Variants in CRACD observed in about 807,000 individuals in gnomAD.
CRACD encodes capping protein inhibiting regulator of actin dynamics, also known as capping protein-inhibiting regulator of actin dynamics.
CRACD carries 56 observed loss-of-function variants against 106.8 expected under a neutral mutation model. The observed-to-expected ratio is 0.52, with a 90% CI of 0.42 to 0.66. The LOEUF (loss-of-function observed/expected upper bound fraction) is 0.66, where lower values mean the gene tolerates loss of function less well. Among genes scored for constraint, CRACD ranks in the 30% least tolerant of loss-of-function variants. The probability of loss-of-function intolerance (pLI) is 0.00; values close to 1 mark genes in which losing one functional copy is unlikely to be tolerated. For missense variants in CRACD, 1,730 were observed against 1,623.2 expected (o/e 1.07, Z -1.13); for synonymous variants, 754 against 670.8 (o/e 1.12, Z -1.92).
At chr4:56,134,191 C>T (rs1470578013) in intron 1 of CRACD, among the ~76,000 whole-genome samples, 1 of 148,436 alleles carries the variant, frequency 6.7e-6, no homozygotes, top group Non-Finnish European at 1.5e-5. Flanking sequence ...GGCAGTGAGA[C>T]CCTGTCTCAA....
intron 1 of CRACD, among the ~76,000 whole-genome samples, chr4:56,090,149 T>C (rs1161611058): frequency 1.4e-5 from 2 of 147,976 alleles, no homozygotes; most frequent in Non-Finnish European, 3.0e-5. Flanking sequence ...TTTTCCTTTT[T>C]TTTAAAAAAA....
chr4:56,182,550 G>A lies in CRACD; in HGVS notation c.-189+3120G>A, dbSNP rs370874124. Among the ~76,000 whole-genome samples the A allele has an allele frequency of 1.0e-3, 153 of 152,180 alleles. 4 individuals are homozygous for A. In the South Asian group the frequency reaches 0.03, roughly 30 times the overall value. On this transcript the variant is annotated intron_variant, in intron 2 of 10. Coordinates refer to ENST00000682029, the MANE Select transcript of CRACD (RefSeq NM_001393381.1). ...TGTGATTTCACCATGCTGCTTATGT[G>A]CTACTAGGGCCGTGATATCAGGCTG...
At chr4:56,085,660 A>T (rs1008338829) in intron 1 of CRACD, among the ~76,000 whole-genome samples, 1 of 152,220 alleles carries the variant, frequency 6.6e-6, no homozygotes, top group Admixed American at 6.5e-5. Flanking sequence ...TTAAAAATGT[A>T]AAAACCATTC....
chr4:56,293,130 C>T (rs919486210), intron 3 of CRACD, among the ~76,000 whole-genome samples: 2 of 152,246 alleles, frequency 1.3e-5, no homozygotes, highest in African/African-American at 4.8e-5. Flanking sequence ...GAACTGGAAG[C>T]AGGTCCATAG....
At chr4:56,184,891 G>T (rs1737015999) in intron 2 of CRACD, among the ~76,000 whole-genome samples, 1 of 152,130 alleles carries the variant, frequency 6.6e-6, no homozygotes, top group Non-Finnish European at 1.5e-5. Context: ...AAATAATCAG[G>T]TGAAATTCAC....
At chr4:56,055,779 G>A (rs1194014075) in intron 1 of CRACD, among the ~76,000 whole-genome samples, 1 of 152,124 alleles carries the variant, frequency 6.6e-6, no homozygotes, top group East Asian at 1.9e-4. Context: ...CAATTCTTGG[G>A]AAGACCAGTT....
chr4:56,314,876 C>A lies in CRACD; in HGVS notation c.1374C>A (p.Ala458=). The A allele has an allele frequency of 6.2e-7, 1 of 1,611,566 alleles. No individual in the cohort carries two copies. The highest frequency in any genetic ancestry group is 8.5e-7 in the Non-Finnish European group (1 of 1,179,404). The stretch of plus-strand genomic sequence containing the variant: ...TTTGCGAGGAGCAGAACCCAGAGGC[C>A]GAGCGGCGAAGAGAGCAGCAGGGAA... ...PGICEEQNPE[A]ERRREQQGRS... Residue 458 remains alanine (A), a synonymous_variant, in exon 8 of 11, where the codon GCC becomes GCA. Coordinates refer to ENST00000682029, the MANE Select transcript of CRACD (RefSeq NM_001393381.1). The surrounding 1 kb of genome is among the most constrained non-coding windows in gnomAD (Gnocchi z 4.4).
intron 6 of CRACD, among the ~76,000 whole-genome samples, chr4:56,312,183 C>A (rs1745203175): frequency 6.6e-6 from 1 of 152,112 alleles, no homozygotes; most frequent in South Asian, 2.1e-4. Flanking sequence ...GTGTGTGTGA[C>A]AGAGTCTTGC....
intron 2 of CRACD, among the ~76,000 whole-genome samples, chr4:56,227,387 A>G (rs774246715): frequency 2.6e-5 from 4 of 152,184 alleles, no homozygotes; most frequent in Non-Finnish European, 5.9e-5. Context: ...TCTCACCTTC[A>G]CTGATAGATA....
At chr4:56,316,836 A>G (rs1745706304) in intron 8 of CRACD, 147 bp downstream of exon 8, 1 of 1,004,084 alleles carries the variant, frequency 1.0e-6, no homozygotes, top group East Asian at 2.6e-5. Context: ...CTGCAGAACA[A>G]AACCGTGGGG....
Position 56,327,828 on chromosome 4 carries a change from C to A in CRACD, c.*24C>A, listed in dbSNP as rs1270383028. 1.3e-6 allele frequency: 2 copies of A among 1,597,142 alleles called. No individual in the cohort carries two copies. On this transcript the variant is annotated 3_prime_UTR_variant, in exon 11 of 11. Transcript: ENST00000682029. ...AAAGAGTGACTCTCACCCATCCCTACTGCCAGTTATTGGCTCCTCTCTTGC... is the reference window on the plus strand; with the variant it reads ...AAAGAGTGACTCTCACCCATCCCTAATGCCAGTTATTGGCTCCTCTCTTGC...
chr4:56,301,294 TTG>T, intron 4 of CRACD: 1 of 1,237,016 alleles, frequency 8.1e-7, no homozygotes, highest in Non-Finnish European at 1.1e-6. Flanking sequence ...CATGAATGCT[TTG>T]CATTTTTCCA....
intron 2 of CRACD, among the ~76,000 whole-genome samples, chr4:56,205,555 CAT>C (rs1377106385): frequency 6.6e-6 from 1 of 151,850 alleles, no homozygotes; most frequent in Non-Finnish European, 1.5e-5. Context: ...TACAAACATG[CAT>C]ATATGTGTGT....
intron 1 of CRACD, among the ~76,000 whole-genome samples, chr4:56,134,304 C>T (rs974050552): frequency 6.6e-6 from 1 of 152,042 alleles, no homozygotes; most frequent in African/African-American, 2.4e-5. Flanking sequence ...ATTAATCATA[C>T]CCCCCATTCC....
intron 5 of CRACD, among the ~76,000 whole-genome samples, chr4:56,310,196 C>A (rs1210158421): frequency 2.0e-5 from 3 of 152,112 alleles, no homozygotes; most frequent in Non-Finnish European, 2.9e-5. Context: ...CTTTCACCTT[C>A]TCAGCCCAGC....
At chr4:56,160,248 T>C (rs1414370146) in intron 1 of CRACD, among the ~76,000 whole-genome samples, 1 of 150,368 alleles carries the variant, frequency 6.7e-6, no homozygotes, top group Non-Finnish European at 1.5e-5. Flanking sequence ...AGTGGCGCGA[T>C]CTCCACTCAC....
chr4:56,248,664 C>T (rs11947005), intron 2 of CRACD, among the ~76,000 whole-genome samples: 2,071 of 149,670 alleles, frequency 0.014, 17 homozygotes, highest in Non-Finnish European at 0.017. Flanking sequence ...CATGCTGGTG[C>T]GCTGCACCCA....
chr4:56,183,561 C>T (rs185710358), intron 2 of CRACD, among the ~76,000 whole-genome samples: 5 of 152,340 alleles, frequency 3.3e-5, no homozygotes, highest in African/African-American at 9.6e-5. Context: ...GTAGAAGAAG[C>T]GACCACTGGC....
intron 3 of CRACD, among the ~76,000 whole-genome samples, chr4:56,290,416 T>C (rs1288124890): frequency 6.6e-6 from 1 of 152,184 alleles, no homozygotes; most frequent in East Asian, 1.9e-4. Flanking sequence ...ATGTTAAGTA[T>C]GCAGAAACAG....
Sources: gnomAD v4.1 joint callset for allele counts (sites outside exome capture counted in the v4.1 genomes callset) on GRCh38, gnomAD v4.1.1 for gene constraint, Gnocchi (gnomAD v3.1) non-coding constraint, MANE v1.5 for transcripts, NCBI Gene and HGNC (gene_info 2026-07-23, HGNC 2026-07-21) for gene names.